Variants in RBFOX1 observed in about 807,000 individuals in gnomAD.
The protein encoded by RBFOX1 is RNA binding fox-1 homolog 1.
A neutral mutation model predicts 57.7 loss-of-function variants in RBFOX1; 8 were observed. That is an observed-to-expected ratio of 0.14 (90% CI 0.08 to 0.25). RBFOX1 has a LOEUF of 0.25. RBFOX1 is among the 10% of genes least tolerant of loss of function. The pLI is 1.00. For missense variants in RBFOX1, 611 were observed against 548.5 expected (o/e 1.11, Z -1.14); for synonymous variants, 326 against 222.4 (o/e 1.47, Z -4.15).
rs139425109 is a variant in RBFOX1 at position 7,526,030 on chromosome 16, T to C, written c.270+7641T>C. Reference sequence around the variant, plus strand: ...TGCACAGCAAAAGGTGAGTGGTGGATGAGTGAGCATTACCACTTTAGCTCT... The same window carrying C: ...TGCACAGCAAAAGGTGAGTGGTGGACGAGTGAGCATTACCACTTTAGCTCT... On this transcript the variant is annotated intron_variant, in intron 5 of 15. Transcript: ENST00000550418. Among the ~76,000 whole-genome samples, 123 of 151,816 alleles carry C rather than the reference T, an allele frequency of 8.1e-4. 1 individual carries two copies. In the East Asian group the frequency reaches 0.018, roughly 23 times the overall value.
intron 3 of RBFOX1, among the ~76,000 whole-genome samples, chr16:6,865,012 T>TTTTTTC (rs1236115581): frequency 7.0e-6 from 1 of 142,966 alleles, no homozygotes; most frequent in African/African-American, 2.7e-5. Flanking sequence ...TTTTTTTTTT[T>TTTTTTC]TTTTTTTGAG....
At chr16:5,481,276 A>G (rs2069531581) in intron 2 of RBFOX1, among the ~76,000 whole-genome samples, 2 of 152,144 alleles carry the variant, frequency 1.3e-5, no homozygotes, top group Admixed American at 1.3e-4. Flanking sequence ...ACCCCAGCAT[A>G]ATGTCTGGTT....
Position 6,142,892 on chromosome 16 carries a change from T to A in RBFOX1, c.-127+122900T>A, listed in dbSNP as rs2096729745. 1.3e-5 allele frequency among the ~76,000 whole-genome samples: 2 copies of A among 152,212 alleles called. 1 individual carries two copies. Among genetic ancestry groups the A allele is most frequent in the South Asian group, 4.1e-4 (2 of 4,832 alleles). On this transcript the variant is annotated intron_variant, in intron 1 of 15. Coordinates refer to ENST00000550418, the MANE Select transcript of RBFOX1 (RefSeq NM_018723.4). ...CGGGGCTTCCTCAAAATTCCCCTGA[T>A]GTTCTCTGACTGCAAGGAGCTCTTC...
intron 2 of RBFOX1, among the ~76,000 whole-genome samples, chr16:6,523,286 G>T (rs1399576609): frequency 6.6e-6 from 1 of 152,076 alleles, no homozygotes; most frequent in Non-Finnish European, 1.5e-5. Context: ...AGGGAGGGGG[G>T]GTTAGTACTG....
At chr16:7,045,327 T>C (rs778509870) in intron 3 of RBFOX1, among the ~76,000 whole-genome samples, 5 of 152,086 alleles carry the variant, frequency 3.3e-5, no homozygotes, top group African/African-American at 7.2e-5. Flanking sequence ...CAAAATAATA[T>C]GGGATGCTGT....
chr16:5,852,940 C>T (rs1469708829), intron 3 of RBFOX1, among the ~76,000 whole-genome samples: 3 of 152,152 alleles, frequency 2.0e-5, no homozygotes, highest in Non-Finnish European at 4.4e-5. Context: ...TCTAGGGCCC[C>T]TTTGCCTGTG....
chr16:6,831,762 C>A (rs924222706), intron 3 of RBFOX1, among the ~76,000 whole-genome samples: 3 of 152,112 alleles, frequency 2.0e-5, no homozygotes, highest in African/African-American at 7.2e-5. Context: ...ATTATTTATT[C>A]CATTTCCACA....
In RBFOX1 at chr16:6,914,189, C is replaced by T. The variant is rs528263773; in HGVS notation, c.-15-137868C>T. The stretch of plus-strand genomic sequence containing the variant: ...TGATTTCAGACCAGATCATCATTTC[C>T]TTCTAAAATACCTCACTGAGTTTAG... On this transcript the variant is annotated intron_variant, in intron 3 of 15. Transcript: ENST00000550418. Among the ~76,000 whole-genome samples, 332 of 152,262 alleles carry T rather than the reference C, an allele frequency of 2.2e-3. 1 individual carries two copies. The highest frequency in any genetic ancestry group is 7.7e-3 in the African/African-American group (318 of 41,542).
At chr16:5,526,855 C>A (rs933415506) in intron 2 of RBFOX1, among the ~76,000 whole-genome samples, 2 of 152,242 alleles carry the variant, frequency 1.3e-5, no homozygotes, top group East Asian at 3.9e-4. Context: ...TGAAGTAAGA[C>A]TCCTTGCATG....
chr16:5,878,909 T>C (rs1243761680), intron 4 of RBFOX1, among the ~76,000 whole-genome samples: 3 of 152,192 alleles, frequency 2.0e-5, no homozygotes, highest in African/African-American at 7.2e-5. Flanking sequence ...CATTCTAATG[T>C]AATTAGTTTG....
intron 2 of RBFOX1, among the ~76,000 whole-genome samples, chr16:6,606,688 C>G (rs1186660608): frequency 2.0e-5 from 3 of 152,096 alleles, no homozygotes; most frequent in Non-Finnish European, 2.9e-5. Flanking sequence ...AAAAACATCT[C>G]ATTCCTTTTT....
intron 3 of RBFOX1, among the ~76,000 whole-genome samples, chr16:6,998,967 C>T (rs1241598759): frequency 2.0e-5 from 3 of 151,374 alleles, no homozygotes; most frequent in Non-Finnish European, 4.4e-5. Flanking sequence ...CTCCCAGGTT[C>T]AAGCGATTCT....
At chr16:6,225,511 C>T (rs1285728060) in intron 1 of RBFOX1, among the ~76,000 whole-genome samples, 2 of 152,098 alleles carry the variant, frequency 1.3e-5, no homozygotes, top group African/African-American at 2.4e-5. Flanking sequence ...GATAACTGCT[C>T]ATTAAAAGTC....
intron 4 of RBFOX1, among the ~76,000 whole-genome samples, chr16:5,941,861 C>T (rs757788242): frequency 2.0e-5 from 3 of 152,038 alleles, no homozygotes; most frequent in South Asian, 2.1e-4. Context: ...TGACGCAGTA[C>T]ATCCCCTTTT....
At chr16:5,842,187 G>A (rs929491647) in intron 3 of RBFOX1, among the ~76,000 whole-genome samples, 2 of 152,102 alleles carry the variant, frequency 1.3e-5, no homozygotes, top group South Asian at 4.2e-4. Context: ...TTTAAAAGGC[G>A]CCTCAAACAT....
intron 4 of RBFOX1, among the ~76,000 whole-genome samples, chr16:7,417,537 T>TGTTTGTGTGC (rs2098494673): frequency 6.7e-6 from 1 of 150,256 alleles, no homozygotes; most frequent in Non-Finnish European, 1.5e-5. Flanking sequence ...ATTGTGTGTG[T>TGTTTGTGTGC]GTGTGTGTGT....
intron 3 of RBFOX1, among the ~76,000 whole-genome samples, chr16:5,639,658 C>T (rs529841729): frequency 6.6e-6 from 1 of 152,184 alleles, no homozygotes; most frequent in African/African-American, 2.4e-5. Context: ...CTGTCTCTCT[C>T]TTTCAGCCTT....
chr16:5,432,267 C>T (rs2067762192), intron 1 of RBFOX1, among the ~76,000 whole-genome samples: 1 of 152,140 alleles, frequency 6.6e-6, no homozygotes, highest in Non-Finnish European at 1.5e-5. Context: ...AACATGGTTA[C>T]AGTAAAAATG....
intron 3 of RBFOX1, among the ~76,000 whole-genome samples, chr16:5,740,663 T>A (rs1208031861): frequency 6.6e-6 from 1 of 152,208 alleles, no homozygotes; most frequent in Non-Finnish European, 1.5e-5. Flanking sequence ...CTCTGTTGTT[T>A]TTCTTGGTCT....
Sources: gnomAD v4.1 joint callset for allele counts (sites outside exome capture counted in the v4.1 genomes callset) on GRCh38, gnomAD v4.1.1 for gene constraint, MANE v1.5 for transcripts, NCBI Gene and HGNC (gene_info 2026-07-23, HGNC 2026-07-21) for gene names.